Variants in MUC5B observed in about 807,000 individuals in gnomAD.
MUC5B encodes mucin 5B, oligomeric mucus/gel-forming.
Under a neutral mutation model 376.9 loss-of-function variants are expected in MUC5B, and 116 were observed. That is an observed-to-expected ratio of 0.31 (90% CI 0.26 to 0.36). The LOEUF is 0.36. Ranked by LOEUF, MUC5B falls within the 10% of genes least tolerant of loss-of-function variation. The pLI, the probability that MUC5B is intolerant of heterozygous loss-of-function variation, is 1.00. For missense variants in MUC5B, 7,165 were observed against 7,769.9 expected (o/e 0.92, Z 2.93); for synonymous variants, 3,517 against 3,390.9 (o/e 1.04, Z -1.29).
At chr11:1,228,541 G>A in intron 7 of MUC5B, 23 bp from the exon 8 acceptor site, 1 of 1,497,644 alleles carries the variant, frequency 6.7e-7, no homozygotes, top group Non-Finnish European at 8.9e-7. Context: ...GGGGTGCCCA[G>A]CCTGGCCCAC....
chr11:1,239,081 G>A, intron 26 of MUC5B, 54 bp downstream of exon 26: 1 of 1,547,234 alleles, frequency 6.5e-7, no homozygotes, highest in South Asian at 1.2e-5. Flanking sequence ...GGGCAGGGGA[G>A]GAGGTGTGGC....
At chr11:1,237,809 C>T (rs560223472) in intron 25 of MUC5B, among the ~76,000 whole-genome samples, 7 of 152,314 alleles carry the variant, frequency 4.6e-5, no homozygotes, top group African/African-American at 1.7e-4. Context: ...GAGGAGGTTG[C>T]AGTGAGCCAA....
chr11:1,241,653 C>T lies in MUC5B; in HGVS notation c.4773C>T (p.Tyr1591=). The T allele has an allele frequency of 1.2e-6, 2 of 1,612,506 alleles. No homozygotes were observed. Among genetic ancestry groups the T allele is most frequent in the Non-Finnish European group, 1.7e-6 (2 of 1,179,658 alleles). ...GCGTCTTCAAGATGTGCTACAACTA[C>T]AGGATCCGGGTCCTCTGCTGCAGTG... The part of the protein sequence containing the change: ...QEGVFKMCYN[Y]RIRVLCCSDD... Residue 1591 remains tyrosine, a synonymous_variant, in exon 31 of 49, where the codon TAC becomes TAT. Transcript: ENST00000529681.
Position 1,239,961 on chromosome 11 carries a change from G to C in MUC5B, c.3728+18G>C, listed in dbSNP as rs758725807. ...CAGAGCTGGTGAGGGGGTGGGAAGC[G>C]GGTGGCGCTGGGGGAGCAGGGCTGG... On this transcript the variant is annotated intron_variant, in intron 28 of 48. Coordinates refer to ENST00000529681, the MANE Select transcript of MUC5B (RefSeq NM_002458.3). 5 of 1,611,700 alleles carry C rather than the reference G, an allele frequency of 3.1e-6. No homozygotes were observed. Among genetic ancestry groups the C allele is most frequent in the South Asian group, 2.2e-5 (2 of 90,852 alleles).
chr11:1,259,465 A>G, intron 44 of MUC5B: 1 of 541,584 alleles, frequency 1.8e-6, no homozygotes, highest in Non-Finnish European at 3.3e-6. Flanking sequence ...GAGGGTATGA[A>G]GTAGGAGGAT....
chr11:1,230,646 C>T (rs745948936), intron 12 of MUC5B, 46 bp downstream of exon 12: 20 of 1,527,216 alleles, frequency 1.3e-5, no homozygotes, highest in Admixed American at 1.8e-5. Flanking sequence ...AAGAGGCATG[C>T]GAAGGTGTGT....
Position 1,241,922 on chromosome 11 carries a change from C to T in MUC5B, c.5042C>T (p.Thr1681Ile). The change falls in exon 31 of 49, where the codon ACA (threonine) becomes ATA (isoleucine). Residue 1681 changes from threonine to isoleucine, a missense_variant. Physicochemically the swap from Thr to Ile is moderately conservative, Grantham distance 89 (BLOSUM62 -1). Around this residue, in one of 31 missense-constraint regions of MUC5B, gnomAD observed 897 missense variants for 779.6 expected, o/e 1.15. Coordinates refer to ENST00000529681, the MANE Select transcript of MUC5B (RefSeq NM_002458.3). ...GGCCCCACGACGCCTGCAGGCTCCA[C>T]AGAACCCACTGTCCCAGGGGTGGCC... ...TGGPTTPAGSTEPTVPGVATS... is the reference protein window; with the variant it reads ...TGGPTTPAGSIEPTVPGVATS... 6.2e-7 allele frequency: 1 copy of T among 1,609,678 alleles called. No homozygotes were observed. The highest frequency in any genetic ancestry group is 8.5e-7 in the Non-Finnish European group (1 of 1,178,220).
At position 1,235,169 on chromosome 11, in the gene MUC5B, C is replaced by T. The variant is rs1862127695; in HGVS notation, c.2715C>T (p.Thr905=). 6.2e-7 allele frequency: 1 copy of T among 1,613,128 alleles called. No homozygotes were observed. The highest frequency in any genetic ancestry group is 8.5e-7 in the Non-Finnish European group (1 of 1,179,730). The change falls in exon 22 of 49, where the codon ACC becomes ACT. Residue 905 remains threonine (T), a synonymous_variant. Transcript: ENST00000529681. ...CCTACGGGGATGGCCACTTCATCAC[C>T]TTTGATGGCGATCGCTACAGCTTTG... The part of the protein sequence containing the change: ...CVAYGDGHFI[T]FDGDRYSFEG...
Position 1,258,966 on chromosome 11 carries a change from C to T in MUC5B, c.16618C>T (p.Leu5540Phe). 6.4e-7 allele frequency: 1 copy of T among 1,552,946 alleles called. No individual in the cohort carries two copies. The highest frequency in any genetic ancestry group is 8.7e-7 in the Non-Finnish European group (1 of 1,148,702). Residue 5540 changes from leucine (L) to phenylalanine (F), a missense_variant, in exon 44 of 49, where the codon CTT (leucine) becomes TTT (phenylalanine). Physicochemically the swap from Leu to Phe is conservative, Grantham distance 22 (BLOSUM62 0). This residue lies in a region of MUC5B where 842 missense variants were observed against 1,016.9 expected (regional missense o/e 0.83). Coordinates refer to ENST00000529681, the MANE Select transcript of MUC5B (RefSeq NM_002458.3). The surrounding 1 kb of genome is among the most constrained non-coding windows in gnomAD (Gnocchi z 5.5). The part of the protein sequence containing the change: ...YGVGATFPGA[L>F]PCHMCTCLSG... ...GGTTGGTGCAACCTTCCCAGGCGCC[C>T]TTCCCTGCCACATGTGTACCTGCCT... is the stretch of plus-strand genomic sequence containing the variant.
At position 1,255,422 on chromosome 11, in the gene MUC5B, A is replaced by T; in HGVS notation, c.15930A>T (p.Pro5310=). Residue 5310 remains proline, a synonymous_variant, in exon 37 of 49, where the codon CCA becomes CCT. Coordinates refer to ENST00000529681, the MANE Select transcript of MUC5B (RefSeq NM_002458.3). The part of the protein sequence containing the change: ...AECHNLVPPG[P]FFNACISDHC... ...GCCACAACCTTGTGCCCCCGGGCCC[A>T]TTCTTCAACGCCTGCATCAGCGACC... 6.2e-7 allele frequency: 1 copy of T among 1,600,948 alleles called. No homozygotes were observed. Among genetic ancestry groups the T allele is most frequent in the East Asian group, 2.3e-5 (1 of 44,152 alleles).
At chr11:1,224,549 G>T in intron 1 of MUC5B, among the ~76,000 whole-genome samples, 1 of 128,734 alleles carries the variant, frequency 7.8e-6, no homozygotes. Context: ...GGGCTGTAGG[G>T]CCAGGGAGGG....
chr11:1,249,003 C>T lies in MUC5B; in HGVS notation c.12123C>T (p.Ile4041=), dbSNP rs369185136. 26 of 1,609,622 alleles carry T rather than the reference C, an allele frequency of 1.6e-5. No homozygotes were observed. Among genetic ancestry groups the T allele is most frequent in the East Asian group, 2.2e-5 (1 of 44,836 alleles). Residue 4041 remains isoleucine (I), a synonymous_variant, in exon 31 of 49, where the codon ATC becomes ATT. Transcript: ENST00000529681. The part of the protein sequence containing the change: ...ATSGTLGTTH[I]TEPSTGTSHT... ...CAGGCACCTTGGGCACCACCCACAT[C>T]ACAGAGCCTTCCACGGGGACTTCCC... is the stretch of plus-strand genomic sequence containing the variant.
At position 1,260,368 on chromosome 11, in the gene MUC5B, C is replaced by T. The variant is rs1450588467; in HGVS notation, c.16941C>T (p.Thr5647=). 32 of 1,612,408 alleles carry T rather than the reference C, an allele frequency of 2.0e-5. No homozygotes were observed. Among genetic ancestry groups the T allele is most frequent in the South Asian group, 6.6e-5 (6 of 91,092 alleles). Residue 5647 remains threonine (T), a synonymous_variant, in exon 47 of 49, where the codon ACC becomes ACT. Transcript: ENST00000529681. ...CCCACCAGGGGAGCCTCAGGAAAACCGGCTGCTGCTACTCCTGTGAGGAGG... is the reference window on the plus strand; with the variant it reads ...CCCACCAGGGGAGCCTCAGGAAAACTGGCTGCTGCTACTCCTGTGAGGAGG... The part of the protein sequence containing the change: ...VSSCRGSLRK[T]GCCYSCEEDS...
At chr11:1,223,559 A>T (rs2133800624) in intron 1 of MUC5B, among the ~76,000 whole-genome samples, 1 of 152,292 alleles carries the variant, frequency 6.6e-6, no homozygotes, top group African/African-American at 2.4e-5. Flanking sequence ...CCCAGGCATC[A>T]GAGTGAGCAG....
chr11:1,245,911 A>G lies in MUC5B; in HGVS notation c.9031A>G (p.Ile3011Val). 1 of 1,613,118 alleles carries G rather than the reference A, an allele frequency of 6.2e-7. No individual in the cohort carries two copies. The highest frequency in any genetic ancestry group is 8.5e-7 in the Non-Finnish European group (1 of 1,179,722). ...GACCGCAACCACTGGATCCACGGCC[A>G]TCCCGTCCTCCACCCCGGGAACAGC... The part of the protein sequence containing the change: ...TTTATTGSTA[I>V]PSSTPGTAPP... The change falls in exon 31 of 49, where the codon ATC becomes GTC. Residue 3011 changes from isoleucine (I) to valine (V), a missense_variant. Coordinates refer to ENST00000529681, the MANE Select transcript of MUC5B (RefSeq NM_002458.3).
rs778789276 is a variant in MUC5B at position 1,241,303 on chromosome 11, C to T, written c.4423C>T (p.Arg1475Trp). The change falls in exon 31 of 49, where the codon CGG becomes TGG. Residue 1475 changes from arginine (R) to tryptophan (W), a missense_variant. Transcript: ENST00000529681. ...KTTLWVTPSIRSTAALTSQTG... is the reference protein window; with the variant it reads ...KTTLWVTPSIWSTAALTSQTG... ...CACCCTATGGGTGACCCCGAGCATC[C>T]GGTCGACGGCGGCCCTCACCTCGCA... 31 of 1,603,196 alleles carry T rather than the reference C, an allele frequency of 1.9e-5. No individual in the cohort carries two copies. In the East Asian group the frequency reaches 2.0e-4, roughly 11 times the overall value.
In MUC5B at chr11:1,232,466, C is replaced by G. The variant is rs766576564; in HGVS notation, c.1860C>G (p.His620Gln). ...TCCCCACAGAGAACTACGCCCGGCA[C>G]TGGTGCTCGCGCCTGACCGATCCCA... ...LSVENENYAR[H>Q]WCSRLTDPNS... The change falls in exon 16 of 49, where the codon CAC becomes CAG. Residue 620 changes from histidine to glutamine, a missense_variant. By Grantham distance (24) the His-to-Gln change is conservative. This residue lies in a region of MUC5B where 530 missense variants were observed against 604.0 expected (regional missense o/e 0.88). Transcript: ENST00000529681. 1 of 1,608,686 alleles carries G rather than the reference C, an allele frequency of 6.2e-7. No individual in the cohort carries two copies. Among genetic ancestry groups the G allele is most frequent in the Admixed American group, 1.7e-5 (1 of 59,610 alleles).
rs61997210 is a variant in MUC5B at position 1,243,062 on chromosome 11, C to A, written c.6182C>A (p.Ala2061Asp). 3.1e-6 allele frequency: 5 copies of A among 1,611,582 alleles called. No homozygotes were observed. Among genetic ancestry groups the A allele is most frequent in the Non-Finnish European group, 4.2e-6 (5 of 1,178,554 alleles). Residue 2061 changes from alanine to aspartate, a missense_variant, in exon 31 of 49, where the codon GCC (alanine) becomes GAC (aspartate). Ala to Asp is a moderately radical substitution (Grantham distance 126). Coordinates refer to ENST00000529681, the MANE Select transcript of MUC5B (RefSeq NM_002458.3). ...ACTACCACAACCACGGGCTTCACAG[C>A]CACCCCCTCCTCCAGCCCAGGGACG... ...VPTTTTTGFT[A>D]TPSSSPGTAL... is the part of the protein sequence containing the mutation.
At chr11:1,239,056 A>C in intron 26 of MUC5B, 29 bp downstream of exon 26, 1 of 1,564,850 alleles carries the variant, frequency 6.4e-7, no homozygotes, top group Non-Finnish European at 8.6e-7. Flanking sequence ...GTGGTGCTGA[A>C]GGGTGGAGCT....
Sources: gnomAD v4.1 joint callset for allele counts (sites outside exome capture counted in the v4.1 genomes callset) on GRCh38, gnomAD v4.1.1 for gene constraint, gnomAD v4.1.1 regional missense constraint, Gnocchi (gnomAD v3.1) non-coding constraint, MANE v1.5 for transcripts, NCBI Gene and HGNC (gene_info 2026-07-23, HGNC 2026-07-21) for gene names.